The following ITGA9 variants were observed in gnomAD, a reference collection of about 807,000 sequenced individuals.
ITGA9 encodes integrin subunit alpha 9.
In ITGA9, 56 loss-of-function variants were observed where a neutral mutation model predicts 127.8. The observed-to-expected ratio is 0.44, with a 90% CI of 0.35 to 0.55. The LOEUF (loss-of-function observed/expected upper bound fraction) is 0.55. Ranked by LOEUF, ITGA9 falls within the 20% of genes least tolerant of loss-of-function variation. The probability of loss-of-function intolerance (pLI) is 0.00; values close to 1 mark genes in which losing one functional copy is unlikely to be tolerated. For synonymous variants in ITGA9, 508 were observed against 514.5 expected (o/e 0.99, Z 0.17); for missense variants, 1,196 against 1,347.1 (o/e 0.89, Z 1.76).
chr3:37,809,121 T>G (rs1244369972), intron 27 of ITGA9, among the ~76,000 whole-genome samples: 1 of 150,062 alleles, frequency 6.7e-6, no homozygotes, highest in Non-Finnish European at 1.5e-5. Context: ...AGTCCCACTC[T>G]GTCACTCAGG....
At chr3:37,734,014 G>A (rs1271921770) in intron 19 of ITGA9, among the ~76,000 whole-genome samples, 2 of 152,212 alleles carry the variant, frequency 1.3e-5, no homozygotes, top group African/African-American at 2.4e-5. Context: ...GGCACGTGTG[G>A]GAATGTGGGA....
At chr3:37,540,002 A>T (rs74678274) in intron 14 of ITGA9, among the ~76,000 whole-genome samples, 3,789 of 152,350 alleles carry the variant, frequency 0.025, 79 homozygotes, top group Non-Finnish European at 0.039. Context: ...TCAGGAGAAG[A>T]GATGCAGGTA....
chr3:37,619,614 A>G (rs1330422803), intron 15 of ITGA9, among the ~76,000 whole-genome samples: 8 of 152,200 alleles, frequency 5.3e-5, no homozygotes, highest in Non-Finnish European at 1.2e-4. Context: ...CACTTCAAAA[A>G]TTACAAATTT....
chr3:37,506,930 C>G (rs1475851487), intron 7 of ITGA9, among the ~76,000 whole-genome samples: 1 of 152,164 alleles, frequency 6.6e-6, no homozygotes. Flanking sequence ...TGGATTAGCC[C>G]AGATGAGCTG....
chr3:37,657,624 C>CAA (rs139406617), intron 17 of ITGA9, among the ~76,000 whole-genome samples: 38,800 of 140,958 alleles, frequency 0.28, 5,204 homozygotes, highest in Admixed American at 0.34. Flanking sequence ...TTGATCTTTT[C>CAA]AAAAAAAAAA....
At chr3:37,712,670 A>G (rs1256355208) in intron 18 of ITGA9, among the ~76,000 whole-genome samples, 2 of 152,068 alleles carry the variant, frequency 1.3e-5, no homozygotes, top group East Asian at 3.9e-4. Flanking sequence ...TCGTTCTCAA[A>G]CAGGCTCTCT....
chr3:37,777,630 C>G, intron 24 of ITGA9, 113 bp downstream of exon 24: 1 of 1,232,926 alleles, frequency 8.1e-7, no homozygotes, highest in South Asian at 1.3e-5. Flanking sequence ...ATTTGACTTA[C>G]AAAGGCACAG....
chr3:37,661,819 G>A (rs2125651734), intron 17 of ITGA9, among the ~76,000 whole-genome samples: 1 of 152,346 alleles, frequency 6.6e-6, no homozygotes, highest in South Asian at 2.1e-4. Context: ...TGAGTGCTAG[G>A]TGGGTTACTC....
In ITGA9 at chr3:37,797,829, G is replaced by A. The variant is rs564552226; in HGVS notation, c.2890-5994G>A. ...CAGCCTTCACATCCTAGATTCAAGT[G>A]ATTACAGGTGTGCGCCACCACACCT... On this transcript the variant is annotated intron_variant, in intron 26 of 27. Coordinates refer to ENST00000264741, the MANE Select transcript of ITGA9 (RefSeq NM_002207.3). Among the ~76,000 whole-genome samples, 6 of 151,982 alleles carry A rather than the reference G, an allele frequency of 3.9e-5. No homozygotes were observed. The South Asian group carries it at 1.0e-3, about 26-fold the overall frequency.
chr3:37,612,547 A>G (rs545171830), intron 15 of ITGA9, among the ~76,000 whole-genome samples: 1 of 152,320 alleles, frequency 6.6e-6, no homozygotes, highest in East Asian at 1.9e-4. Flanking sequence ...ACATTTTATA[A>G]TGGAAGGAAA....
At chr3:37,630,492 A>T (rs999512656) in intron 16 of ITGA9, among the ~76,000 whole-genome samples, 1 of 152,180 alleles carries the variant, frequency 6.6e-6, no homozygotes, top group South Asian at 2.1e-4. Context: ...AGTTGTCCTC[A>T]CCTTGAGGCA....
chr3:37,512,877 T>A (rs549616875), intron 8 of ITGA9, among the ~76,000 whole-genome samples: 1 of 152,210 alleles, frequency 6.6e-6, no homozygotes, highest in Non-Finnish European at 1.5e-5. Flanking sequence ...TTTTTTCTTA[T>A]GCCTGTTATA....
At chr3:37,653,351 C>G (rs1700446584) in intron 16 of ITGA9, among the ~76,000 whole-genome samples, 1 of 152,150 alleles carries the variant, frequency 6.6e-6, no homozygotes, top group Admixed American at 6.5e-5. Context: ...GTTCTTTACT[C>G]AACTGGATTA....
intron 15 of ITGA9, among the ~76,000 whole-genome samples, chr3:37,603,052 A>C (rs1197055269): frequency 6.6e-6 from 1 of 152,234 alleles, no homozygotes. Context: ...GGATACAGCC[A>C]AAGTCACTAA....
chr3:37,562,975 G>T (rs1033282376), intron 15 of ITGA9, among the ~76,000 whole-genome samples: 2 of 133,668 alleles, frequency 1.5e-5, no homozygotes, highest in Admixed American at 1.9e-4. Flanking sequence ...ATTTTAAGAT[G>T]CTTGGCATCA....
Position 37,629,538 on chromosome 3 carries a change from C to A in ITGA9, c.1839+202C>A. On this transcript the variant is annotated intron_variant, in intron 16 of 27. Coordinates refer to ENST00000264741, the MANE Select transcript of ITGA9 (RefSeq NM_002207.3). The surrounding 1 kb of genome is among the most constrained non-coding windows in gnomAD (Gnocchi z 4.5). ...GGGGTTACTTGTGACTACTGTGGGA[C>A]TTAAACACTTTCAGACAATTCTCAG... The A allele has an allele frequency of 1.5e-6, 1 of 659,716 alleles. No individual in the cohort carries two copies. The highest frequency in any genetic ancestry group is 2.7e-6 in the Non-Finnish European group (1 of 371,910). 40.9% of individuals were successfully genotyped at this position (659,716 alleles called of 1,614,324 possible). A position where few individuals can be genotyped will look rare whatever the true frequency, so the allele number is the denominator to read the frequency against.
chr3:37,488,044 G>A (rs770257732), intron 4 of ITGA9, among the ~76,000 whole-genome samples: 9 of 152,180 alleles, frequency 5.9e-5, no homozygotes, highest in South Asian at 2.1e-4. Flanking sequence ...GGAACATTTG[G>A]TTTCAGTATC....
At position 37,779,897 on chromosome 3, in the gene ITGA9, C is replaced by T. The variant is rs1696954583; in HGVS notation, c.2668-5C>T. ...ATTGGAAATTTTTCTGACTTTTCTT[C>T]TCAGGACTGTGAAAAACCAGGAATT... On this transcript the variant is annotated splice_region_variant and splice_polypyrimidine_tract_variant and intron_variant, in intron 24 of 27. Transcript: ENST00000264741. 1 of 1,613,810 alleles carries T rather than the reference C, an allele frequency of 6.2e-7. No individual in the cohort carries two copies. The highest frequency in any genetic ancestry group is 1.1e-5 in the South Asian group (1 of 91,076).
intron 16 of ITGA9, among the ~76,000 whole-genome samples, chr3:37,646,950 A>G (rs1390443241): frequency 6.6e-6 from 1 of 151,854 alleles, no homozygotes; most frequent in Non-Finnish European, 1.5e-5. Context: ...CTAGTATTCC[A>G]AGGCTTTAGT....
Sources: allele counts gnomAD v4.1 joint callset (sites outside exome capture counted in the v4.1 genomes callset), GRCh38; gene constraint gnomAD v4.1.1; non-coding constraint Gnocchi (gnomAD v3.1); transcripts MANE v1.5; gene names NCBI Gene and HGNC (gene_info 2026-07-23, HGNC 2026-07-21).